GAB2: variants seen among roughly 807,000 people sequenced by gnomAD.
GAB2 encodes the protein GRB2 associated binding protein 2, also known as GRB2-associated-binding protein 2.
GAB2 carries 26 observed loss-of-function variants against 65.5 expected under a neutral mutation model. That is an observed-to-expected ratio of 0.40 (90% CI 0.29 to 0.55). The LOEUF (loss-of-function observed/expected upper bound fraction) is 0.55. Ranked by LOEUF, GAB2 falls within the 20% of genes least tolerant of loss-of-function variation. The pLI, the probability that GAB2 is intolerant of heterozygous loss-of-function variation, is 0.53. For missense variants in GAB2, 884 were observed against 875.8 expected, an observed-to-expected ratio of 1.01 and a Z score of -0.12; for synonymous variants, 321 against 329.6, an observed-to-expected ratio of 0.97 and a Z score of 0.28.
Position 78,237,713 on chromosome 11 carries a change from T to C in GAB2, c.621-10662A>G, listed in dbSNP as rs1049024884. Among the ~76,000 whole-genome samples the C allele has an allele frequency of 3.3e-5, 5 of 152,108 alleles. No individual in the cohort carries two copies. In the East Asian group the frequency reaches 7.7e-4, roughly 23 times the overall value. On this transcript the variant is annotated intron_variant, in intron 3 of 9. Coordinates refer to ENST00000361507, the MANE Select transcript of GAB2 (RefSeq NM_080491.3). ...AGAGAAAAGGATTGGAAAAAAAAGA[T>C]AATGTAAGTGATTGTTGGGTCAGTA...
intron 2 of GAB2, among the ~76,000 whole-genome samples, chr11:78,255,302 A>G (rs983879488): frequency 1.3e-5 from 2 of 152,162 alleles, no homozygotes; most frequent in Non-Finnish European, 2.9e-5. Context: ...TTAATTTTGG[A>G]TATCTAGCCT....
intron 9 of GAB2, 38 bp from the exon 10 acceptor site, chr11:78,219,453 G>A (rs901104): frequency 0.17 from 280,302 of 1,602,208 alleles, 28,443 homozygotes; most frequent in East Asian, 0.4. Flanking sequence ...GTAGCTGTGA[G>A]TTACCAGTTA....
chr11:78,402,949 AAATTAGAGACATTAT>A (rs1375048550), intron 1 of GAB2, among the ~76,000 whole-genome samples: 6 of 152,292 alleles, frequency 3.9e-5, no homozygotes, highest in South Asian at 2.1e-4. Flanking sequence ...GAGTACTCAT[AAATTAGAGACATTAT>A]AATTAGAGAC....
intron 2 of GAB2, among the ~76,000 whole-genome samples, chr11:78,262,411 G>GCC (rs1261443875): frequency 6.6e-6 from 1 of 152,196 alleles, no homozygotes; most frequent in African/African-American, 2.4e-5. Flanking sequence ...ATGGTAGCTG[G>GCC]CCCTCAGCAC....
intron 7 of GAB2, 115 bp from the exon 8 acceptor site, chr11:78,221,894 C>T: frequency 2.8e-6 from 2 of 716,920 alleles, no homozygotes; most frequent in South Asian, 1.7e-5. Context: ...TAGAGCTGCA[C>T]ACTCCATCAG....
At chr11:78,293,837 G>C (rs1866746532) in intron 1 of GAB2, among the ~76,000 whole-genome samples, 1 of 152,220 alleles carries the variant, frequency 6.6e-6, no homozygotes, top group Admixed American at 6.5e-5. Context: ...AAGAGAAAAA[G>C]AGTACGTGTG....
chr11:78,318,795 CTATGT>C lies in GAB2; in HGVS notation c.76-37899_76-37895del, dbSNP rs1354282957. On this transcript the variant is annotated intron_variant, in intron 1 of 9. Coordinates refer to ENST00000361507, the MANE Select transcript of GAB2 (RefSeq NM_080491.3). ...CATAAAAGTTAATCTGTTTCAGCTG[CTATGT>C]TATCCACCACCCCTTCTCACCAGAA... Among the ~76,000 whole-genome samples the C allele has an allele frequency of 5.5e-4, 84 of 152,292 alleles. 1 individual carries two copies. Among genetic ancestry groups the C allele is most frequent in the African/African-American group, 1.7e-3 (71 of 41,564 alleles).
At chr11:78,285,705 G>C (rs1314899004) in intron 1 of GAB2, among the ~76,000 whole-genome samples, 2 of 152,096 alleles carry the variant, frequency 1.3e-5, no homozygotes, top group Admixed American at 1.3e-4. Flanking sequence ...AACCTTAATT[G>C]ATCCACCCAC....
At chr11:78,415,230 A>G (rs975562576) in intron 1 of GAB2, among the ~76,000 whole-genome samples, 2 of 152,236 alleles carry the variant, frequency 1.3e-5, no homozygotes, top group Admixed American at 6.5e-5. Flanking sequence ...TAGTTCAACT[A>G]CTTTTTCCCC....
At chr11:78,404,938 T>C (rs1857022084) in intron 1 of GAB2, among the ~76,000 whole-genome samples, 1 of 152,148 alleles carries the variant, frequency 6.6e-6, no homozygotes, top group Non-Finnish European at 1.5e-5. Flanking sequence ...TGATAAACGT[T>C]TGAGGTGATG....
In GAB2 at chr11:78,280,668, C is replaced by G. The variant is rs1565140073; in HGVS notation, c.309G>C (p.Glu103Asp). 1 of 1,614,122 alleles carries G rather than the reference C, an allele frequency of 6.2e-7. No homozygotes were observed. Among genetic ancestry groups the G allele is most frequent in the Non-Finnish European group, 8.5e-7 (1 of 1,179,974 alleles). ...RTFYLVAETE[E>D]DMNKWVQSIC... ...TGCTCTGGACCCACTTATTCATGTC[C>G]TCTTCTGTCTCAGCCACCAGGTAAA... The change falls in exon 2 of 10, where the codon GAG becomes GAC. Residue 103 changes from glutamate (E) to aspartate (D), a missense_variant. Transcript: ENST00000361507.
chr11:78,385,254 A>G (rs1856751467), intron 1 of GAB2, among the ~76,000 whole-genome samples: 1 of 152,238 alleles, frequency 6.6e-6, no homozygotes, highest in Non-Finnish European at 1.5e-5. Context: ...AGAGCTTCCA[A>G]AACTTATGGA....
intron 1 of GAB2, among the ~76,000 whole-genome samples, chr11:78,292,282 G>A (rs1866704347): frequency 6.6e-6 from 1 of 152,148 alleles, no homozygotes; most frequent in Non-Finnish European, 1.5e-5. Flanking sequence ...TATTCCAGGA[G>A]TTTCGCAAAA....
chr11:78,291,555 C>CTTTTTTTTTTTTTT lies in GAB2; in HGVS notation c.76-10655_76-10654insAAAAAAAAAAAAAA, dbSNP rs796161663. Among the ~76,000 whole-genome samples, 63 of 55,058 alleles carry CTTTTTTTTTTTTTT rather than the reference C, an allele frequency of 1.1e-3. 18 individuals carry two copies. The highest frequency in any genetic ancestry group is 1.9e-3 in the African/African-American group (29 of 15,662). The allele number at this position is 55,058 out of a possible 152,430, so 36.1% of individuals were successfully genotyped here. Reference sequence around the variant, plus strand: ...CCTATCTTGAGAGACTTACTTTTTTCTTTTTCTTTTTTTTTTTTTTTTTTT... The same window carrying CTTTTTTTTTTTTTT: ...CCTATCTTGAGAGACTTACTTTTTTCTTTTTTTTTTTTTTTTTTTCTTTTTTTTTTTTTTTTTTT... On this transcript the variant is annotated intron_variant, in intron 1 of 9. Transcript: ENST00000361507.
chr11:78,258,881 A>G (rs1466024863), intron 2 of GAB2, among the ~76,000 whole-genome samples: 2 of 151,998 alleles, frequency 1.3e-5, no homozygotes, highest in East Asian at 3.9e-4. Flanking sequence ...TTTTCTTTTT[A>G]AACTTTTAGG....
chr11:78,245,192 T>C (rs1300164001), intron 3 of GAB2, among the ~76,000 whole-genome samples: 1 of 152,214 alleles, frequency 6.6e-6, no homozygotes, highest in Non-Finnish European at 1.5e-5. Flanking sequence ...ATGGTTAGAA[T>C]TTCAGTTTGG....
chr11:78,215,458 A>AAGAATACAAC lies in GAB2; in HGVS notation c.*3804_*3813dup, dbSNP rs1864074332. The AAGAATACAAC allele has an allele frequency of 6.6e-6, 1 of 151,562 alleles. No homozygotes were observed. Among genetic ancestry groups the AAGAATACAAC allele is most frequent in the African/African-American group, 2.5e-5 (1 of 40,392 alleles). 9.4% of individuals were successfully genotyped at this position (151,562 alleles called of 1,614,324 possible). A position where few individuals can be genotyped will look rare whatever the true frequency, so the allele number is the denominator to read the frequency against. On this transcript the variant is annotated 3_prime_UTR_variant, in exon 10 of 10. Coordinates refer to ENST00000361507, the MANE Select transcript of GAB2 (RefSeq NM_080491.3). ...GATAAATATGTTACAATTTAAAAAA[A>AAGAATACAAC]AGAATACAACAGAATAAATTAATAA...
intron 1 of GAB2, 64 bp from the exon 2 acceptor site, chr11:78,280,965 T>C (rs558608888): frequency 7.2e-7 from 1 of 1,386,476 alleles, no homozygotes; most frequent in South Asian, 1.3e-5. Context: ...CAAAGCTTTT[T>C]TCTTTCAGAG....
intron 1 of GAB2, among the ~76,000 whole-genome samples, chr11:78,383,396 A>C (rs909552064): frequency 6.6e-6 from 1 of 151,606 alleles, no homozygotes; most frequent in East Asian, 1.9e-4. Context: ...TAATTCAAAC[A>C]CTGAAACACA....
Sources: allele counts gnomAD v4.1 joint callset (sites outside exome capture counted in the v4.1 genomes callset), GRCh38; gene constraint gnomAD v4.1.1; transcripts MANE v1.5; gene names NCBI Gene and HGNC (gene_info 2026-07-23, HGNC 2026-07-21).